CCDC88C: variants seen among roughly 807,000 people sequenced by gnomAD.
CCDC88C encodes protein Daple.
In CCDC88C, 131 loss-of-function variants were observed where a neutral mutation model predicts 198.8. That is an observed-to-expected ratio of 0.66 (90% CI 0.57 to 0.76). CCDC88C has a LOEUF of 0.76. Ranked by LOEUF, CCDC88C falls within the 30% of genes least tolerant of loss-of-function variation. CCDC88C has a pLI of 0.00. For synonymous variants in CCDC88C, 1,166 were observed against 1,114.7 expected (o/e 1.05, Z -0.92); for missense variants, 2,553 against 2,631.6 (o/e 0.97, Z 0.65).
At chr14:91,290,856 T>C (rs2139745954) in intron 24 of CCDC88C, 139 bp downstream of exon 24, 2 of 619,124 alleles carry the variant, frequency 3.2e-6, no homozygotes, top group South Asian at 4.1e-5. Context: ...GGAAGGATTC[T>C]GAACTCTCTC....
intron 15 of CCDC88C, among the ~76,000 whole-genome samples, chr14:91,311,525 AG>A (rs1430113490): frequency 6.6e-6 from 1 of 152,192 alleles, no homozygotes; most frequent in African/African-American, 2.4e-5. Context: ...GGACTCCACT[AG>A]GGGTGCCCAA....
chr14:91,399,064 C>A (rs943981569), intron 3 of CCDC88C, among the ~76,000 whole-genome samples: 1 of 152,196 alleles, frequency 6.6e-6, no homozygotes, highest in Non-Finnish European at 1.5e-5. Flanking sequence ...TTGGGGGACT[C>A]CTCACTGTCA....
rs1893204656 is a variant in CCDC88C at position 91,339,356 on chromosome 14, A to C, written c.731T>G (p.Leu244Arg). 1 of 1,613,834 alleles carries C rather than the reference A, an allele frequency of 6.2e-7. No homozygotes were observed. The highest frequency in any genetic ancestry group is 8.5e-7 in the Non-Finnish European group (1 of 1,179,858). ...ADSTPSPTSS[L>R]SSEDKQHLAV... is the part of the protein sequence containing the mutation. ...CAGGTGCTGCTTGTCTTCGCTAGAG[A>C]GGCTGCTGGTGGGGCTGGGAGTGGA... The change falls in exon 8 of 30, where the codon CTC becomes CGC. Residue 244 changes from leucine (L) to arginine (R), a missense_variant. Physicochemically the swap from Leu to Arg is moderately radical, Grantham distance 102. Transcript: ENST00000389857. This position sits in a 1 kb window ranked among gnomAD's most constrained non-coding sequence, Gnocchi z 5.8.
intron 3 of CCDC88C, among the ~76,000 whole-genome samples, chr14:91,375,908 G>A (rs1176393577): frequency 2.6e-5 from 4 of 152,218 alleles, no homozygotes; most frequent in Admixed American, 6.5e-5. Flanking sequence ...ATTTTACAGA[G>A]GAATAAACTG....
chr14:91,393,852 T>G (rs1472916807), intron 3 of CCDC88C, among the ~76,000 whole-genome samples: 1 of 152,096 alleles, frequency 6.6e-6, no homozygotes, highest in Non-Finnish European at 1.5e-5. Flanking sequence ...AGACTCCGTC[T>G]CAAAAAAAAG....
chr14:91,275,821 T>TC (rs1160556510), intron 29 of CCDC88C, among the ~76,000 whole-genome samples: 1 of 126,106 alleles, frequency 7.9e-6, no homozygotes, highest in Non-Finnish European at 1.7e-5. Context: ...AGTGGTTCTT[T>TC]TTTTTTTTTT....
intron 3 of CCDC88C, among the ~76,000 whole-genome samples, chr14:91,377,662 C>T (rs1884521592): frequency 6.6e-6 from 1 of 152,144 alleles, no homozygotes; most frequent in African/African-American, 2.4e-5. Flanking sequence ...AAGATGCACC[C>T]CTGAGAATTA....
chr14:91,318,283 G>A (rs2139815115), intron 13 of CCDC88C, among the ~76,000 whole-genome samples: 1 of 152,254 alleles, frequency 6.6e-6, no homozygotes, highest in Non-Finnish European at 1.5e-5. Context: ...GGGCGTGGTG[G>A]TACGTGCCTG....
Position 91,338,790 on chromosome 14 carries a change from G to C in CCDC88C, c.810-220C>G. 1 of 551,968 alleles carries C rather than the reference G, an allele frequency of 1.8e-6. No individual in the cohort carries two copies. The highest frequency in any genetic ancestry group is 4.8e-4 in the Middle Eastern group (1 of 2,084). 34.2% of individuals were successfully genotyped at this position (551,968 alleles called of 1,614,324 possible). On this transcript the variant is annotated intron_variant, in intron 8 of 29. Coordinates refer to ENST00000389857, the MANE Select transcript of CCDC88C (RefSeq NM_001080414.4). The surrounding 1 kb of genome is among the most constrained non-coding windows in gnomAD (Gnocchi z 4.8). ...ACCGGCCCTTAAACTATGTCCATCC[G>C]CCACTCAGGTCTCCCTCCCTGTGTG...
intron 3 of CCDC88C, among the ~76,000 whole-genome samples, chr14:91,386,652 G>A (rs899355906): frequency 6.6e-6 from 1 of 152,226 alleles, no homozygotes; most frequent in African/African-American, 2.4e-5. Context: ...TTCTGCTCAT[G>A]CAGCTTGCAT....
intron 19 of CCDC88C, 127 bp from the exon 20 acceptor site, chr14:91,304,105 A>G (rs897119045): frequency 1.8e-6 from 2 of 1,081,794 alleles, no homozygotes; most frequent in African/African-American, 1.6e-5. Context: ...CCCAGAGGGT[A>G]CCCAGGATGG....
chr14:91,315,956 T>A, intron 13 of CCDC88C, 169 bp from the exon 14 acceptor site: 1 of 643,468 alleles, frequency 1.6e-6, no homozygotes. Context: ...GCTGTCACTC[T>A]TAAGACAGAA....
intron 4 of CCDC88C, among the ~76,000 whole-genome samples, chr14:91,355,743 G>C (rs939774561): frequency 2.9e-5 from 4 of 136,420 alleles, no homozygotes; most frequent in Non-Finnish European, 6.8e-5. Flanking sequence ...TGATGGGTGT[G>C]GGGGGTTAAG....
Position 91,339,321 on chromosome 14 carries a change from G to C in CCDC88C, c.766C>G (p.Leu256Val), listed in dbSNP as rs183742506. Residue 256 changes from leucine to valine, a missense_variant, in exon 8 of 30, where the codon CTG becomes GTG. Leu to Val is a conservative substitution (Grantham distance 32). Transcript: ENST00000389857. This position sits in a 1 kb window ranked among gnomAD's most constrained non-coding sequence, Gnocchi z 5.8. Reference sequence around the variant, plus strand: ...CGCAGCCTGGCCTTGGTGTCGGCCAGCTCTACGGCCAGGTGCTGCTTGTCT... The same window carrying C: ...CGCAGCCTGGCCTTGGTGTCGGCCACCTCTACGGCCAGGTGCTGCTTGTCT... ...SEDKQHLAVELADTKARLRRV... is the reference protein window; with the variant it reads ...SEDKQHLAVEVADTKARLRRV... 1 of 1,613,480 alleles carries C rather than the reference G, an allele frequency of 6.2e-7. No individual in the cohort carries two copies. The highest frequency in any genetic ancestry group is 8.5e-7 in the Non-Finnish European group (1 of 1,179,886).
chr14:91,394,925 G>T (rs1457770812), intron 3 of CCDC88C, among the ~76,000 whole-genome samples: 1 of 152,134 alleles, frequency 6.6e-6, no homozygotes, highest in Non-Finnish European at 1.5e-5. Context: ...CGGGCCTTGG[G>T]TGGGGGGCCT....
rs764377252 is a variant in CCDC88C at position 91,303,807 on chromosome 14, G to A, written c.3529C>T (p.Leu1177=). 5 of 1,613,416 alleles carry A rather than the reference G, an allele frequency of 3.1e-6. No homozygotes were observed. The highest frequency in any genetic ancestry group is 4.2e-6 in the Non-Finnish European group (5 of 1,179,902). ...TACTCGGCCGATTGCCGCTCGTGCA[G>A]CGTGCCCAGGTGCTCGTGGTCCTGC... ...LLQDHEHLGT[L]HERQSAEYEA... is the part of the protein sequence containing the mutation. The change falls in exon 20 of 30, where the codon CTG becomes TTG. Residue 1177 remains leucine (L), a synonymous_variant. Transcript: ENST00000389857.
intron 3 of CCDC88C, among the ~76,000 whole-genome samples, chr14:91,377,554 C>T (rs570368198): frequency 1.3e-5 from 2 of 152,104 alleles, no homozygotes; most frequent in Non-Finnish European, 2.9e-5. Flanking sequence ...GGCCCCCCCC[C>T]GGTGCCACTT....
chr14:91,372,542 C>CGCG (rs1234626295), intron 3 of CCDC88C, among the ~76,000 whole-genome samples: 1 of 16,160 alleles, frequency 6.2e-5, no homozygotes, highest in African/African-American at 2.3e-4. Context: ...GGGGGGCGGG[C>CGCG]GGGGGGGGGA....
intron 25 of CCDC88C, chr14:91,285,832 A>T: frequency 7.8e-7 from 1 of 1,287,426 alleles, no homozygotes; most frequent in Non-Finnish European, 1.0e-6. Context: ...TTTTGCGCGG[A>T]GGTGCTAAAT....
Sources: gnomAD v4.1 joint callset for allele counts (sites outside exome capture counted in the v4.1 genomes callset) on GRCh38, gnomAD v4.1.1 for gene constraint, Gnocchi (gnomAD v3.1) non-coding constraint, MANE v1.5 for transcripts, NCBI Gene and HGNC (gene_info 2026-07-23, HGNC 2026-07-21) for gene names.